CDH2: variants seen among roughly 807,000 people sequenced by gnomAD.
CDH2 encodes the protein cadherin 2.
In CDH2, 17 loss-of-function variants were observed where a neutral mutation model predicts 92.0. The observed-to-expected ratio is 0.18, with a 90% CI of 0.13 to 0.28. The LOEUF is 0.28. Ranked by LOEUF, CDH2 falls within the 10% of genes least tolerant of loss-of-function variation. The pLI is 1.00. For missense variants in CDH2, 862 were observed against 1,133.1 expected, an observed-to-expected ratio of 0.76 and a Z score of 3.44; for synonymous variants, 419 against 415.9, an observed-to-expected ratio of 1.01 and a Z score of -0.09.
chr18:27,934,091 G>A (rs1300541539), intron 6 of CDH2, among the ~76,000 whole-genome samples: 10 of 152,142 alleles, frequency 6.6e-5, no homozygotes, highest in African/African-American at 1.9e-4. Flanking sequence ...ACAAATACAC[G>A]TAGGATAAAA....
Position 28,084,397 on chromosome 18 carries a change from A to T in CDH2, c.172+63276T>A, listed in dbSNP as rs17463316. ...TAGTACAAAATAACAAAAATAGTTAAGAGTCACCACCATTTCAGGAGTTGC... is the reference window on the plus strand; with the variant it reads ...TAGTACAAAATAACAAAAATAGTTATGAGTCACCACCATTTCAGGAGTTGC... On this transcript the variant is annotated intron_variant, in intron 2 of 15. Transcript: ENST00000269141. Among the ~76,000 whole-genome samples the T allele has an allele frequency of 1.8e-4, 27 of 152,310 alleles. No homozygotes were observed. In the East Asian group the frequency reaches 3.5e-3, roughly 20 times the overall value.
At chr18:28,107,050 G>A (rs554116235) in intron 2 of CDH2, among the ~76,000 whole-genome samples, 17 of 151,976 alleles carry the variant, frequency 1.1e-4, no homozygotes, top group Non-Finnish European at 2.4e-4. Flanking sequence ...AACTCCACAA[G>A]TTTGACAATT....
intron 2 of CDH2, among the ~76,000 whole-genome samples, chr18:28,113,266 C>T (rs990293345): frequency 6.6e-6 from 1 of 152,010 alleles, no homozygotes; most frequent in African/African-American, 2.4e-5. Flanking sequence ...AAAATATTAT[C>T]ATTTCAATAT....
chr18:28,165,113 G>A (rs1233839107), intron 1 of CDH2, among the ~76,000 whole-genome samples: 2 of 152,172 alleles, frequency 1.3e-5, no homozygotes, highest in East Asian at 3.8e-4. Flanking sequence ...CAATGGTAAT[G>A]ACCAGGTCCC....
chr18:28,148,722 A>T (rs538078479), intron 1 of CDH2, among the ~76,000 whole-genome samples: 10 of 152,304 alleles, frequency 6.6e-5, no homozygotes, highest in African/African-American at 2.4e-4. Flanking sequence ...CACCCTAGTG[A>T]GAACCAGAAA....
intron 2 of CDH2, among the ~76,000 whole-genome samples, chr18:28,116,919 T>TA (rs1183576695): frequency 1.3e-5 from 2 of 152,226 alleles, no homozygotes; most frequent in African/African-American, 4.8e-5. Flanking sequence ...TTTTATCTTT[T>TA]AAAAAACTAG....
At chr18:27,950,557 GTT>G (rs2143847219), downstream of CDH2, among the ~76,000 whole-genome samples, 1 of 152,134 alleles carries the variant, frequency 6.6e-6, no homozygotes, top group East Asian at 1.9e-4. Context: ...GTCCACTGCA[GTT>G]TCCAGGTTCA....
intron 2 of CDH2, among the ~76,000 whole-genome samples, chr18:28,082,119 T>C (rs186568606): frequency 1.3e-5 from 2 of 152,270 alleles, no homozygotes; most frequent in East Asian, 3.9e-4. Context: ...ATTTAGGATT[T>C]CTAAAAAGTG....
intron 2 of CDH2, among the ~76,000 whole-genome samples, chr18:28,109,246 G>A (rs2015371830): frequency 1.3e-5 from 2 of 152,150 alleles, no homozygotes; most frequent in Admixed American, 1.3e-4. Context: ...TTAGTAGACT[G>A]GCCTGTGACC....
At chr18:27,933,153 C>G (rs1908942006) in intron 6 of CDH2, among the ~76,000 whole-genome samples, 1 of 152,114 alleles carries the variant, frequency 6.6e-6, no homozygotes, top group African/African-American at 2.4e-5. Context: ...AAGCCAGCAT[C>G]TCAAGTCTTA....
At chr18:28,070,635 T>C (rs556658106) in intron 2 of CDH2, among the ~76,000 whole-genome samples, 1 of 152,314 alleles carries the variant, frequency 6.6e-6, no homozygotes, top group African/African-American at 2.4e-5. Flanking sequence ...GACAAAGCCT[T>C]CTGGAATACC....
At chr18:28,175,427 G>C (rs994353947) in intron 1 of CDH2, among the ~76,000 whole-genome samples, 1 of 152,212 alleles carries the variant, frequency 6.6e-6, no homozygotes, top group African/African-American at 2.4e-5. Flanking sequence ...AGGCAGGGGT[G>C]GGGAGAGACA....
At chr18:28,099,109 T>A (rs2015186390) in intron 2 of CDH2, among the ~76,000 whole-genome samples, 1 of 152,212 alleles carries the variant, frequency 6.6e-6, no homozygotes, top group Non-Finnish European at 1.5e-5. Context: ...ATCAATTACT[T>A]ATAAAAATGA....
chr18:28,003,495 G>A (rs1472299883), intron 6 of CDH2, among the ~76,000 whole-genome samples: 7 of 151,966 alleles, frequency 4.6e-5, no homozygotes, highest in Admixed American at 2.0e-4. Flanking sequence ...GCAAATAATG[G>A]GTAATACAGA....
At chr18:28,037,686 T>C (rs1044364033) in intron 2 of CDH2, among the ~76,000 whole-genome samples, 4 of 152,164 alleles carry the variant, frequency 2.6e-5, no homozygotes, top group Non-Finnish European at 5.9e-5. Flanking sequence ...AAAAAAAATC[T>C]GTAAATTGGA....
At chr18:28,160,217 GA>G (rs2016286121) in intron 1 of CDH2, among the ~76,000 whole-genome samples, 1 of 151,894 alleles carries the variant, frequency 6.6e-6, no homozygotes, top group South Asian at 2.1e-4. Context: ...TCCTAGAATA[GA>G]AAAGAGGCAG....
intron 2 of CDH2, among the ~76,000 whole-genome samples, chr18:28,139,408 C>T (rs2015916990): frequency 6.6e-6 from 1 of 151,966 alleles, no homozygotes; most frequent in Non-Finnish European, 1.5e-5. Flanking sequence ...CACCCAATTT[C>T]TTCTTTTTCT....
intron 2 of CDH2, among the ~76,000 whole-genome samples, chr18:28,021,883 TC>T (rs2013419718): frequency 6.6e-6 from 1 of 152,058 alleles, no homozygotes; most frequent in South Asian, 2.1e-4. Flanking sequence ...TTTATTTTTT[TC>T]CATACTAATT....
At chr18:28,003,215 G>T in intron 6 of CDH2, 46 bp from the exon 7 acceptor site, 1 of 1,453,270 alleles carries the variant, frequency 6.9e-7, no homozygotes. Context: ...CTTCATTCCA[G>T]GGACCCCAAA....
Sources: gnomAD v4.1 joint callset for allele counts (sites outside exome capture counted in the v4.1 genomes callset) on GRCh38, gnomAD v4.1.1 for gene constraint, MANE v1.5 for transcripts, NCBI Gene and HGNC (gene_info 2026-07-23, HGNC 2026-07-21) for gene names.